TENM2: variants seen among roughly 807,000 people sequenced by gnomAD.
The protein encoded by TENM2 is teneurin-2.
In TENM2, 52 loss-of-function variants were observed where a neutral mutation model predicts 245.2. The ratio of observed to expected loss-of-function variants is 0.21; its 90% CI spans 0.17 to 0.27. The LOEUF is 0.27. TENM2 is among the 10% of genes least tolerant of loss of function. TENM2 has a pLI of 1.00. For missense variants in TENM2, 3,046 were observed against 3,666.8 expected (o/e 0.83, Z 4.37); for synonymous variants, 1,363 against 1,438.9 (o/e 0.95, Z 1.19).
intron 6 of TENM2, among the ~76,000 whole-genome samples, chr5:168,049,600 T>C (rs1050115999): frequency 6.6e-6 from 1 of 152,088 alleles, no homozygotes; most frequent in Non-Finnish European, 1.5e-5. Flanking sequence ...CCCACACCCA[T>C]AGAACAAATC....
chr5:167,776,528 A>C (rs1232112758), intron 2 of TENM2, among the ~76,000 whole-genome samples: 1 of 134,348 alleles, frequency 7.4e-6, no homozygotes, highest in Non-Finnish European at 1.5e-5. Context: ...CTGGGAGGTC[A>C]AGGCTGCAGT....
At chr5:167,337,873 A>G (rs1297687848) in intron 1 of TENM2, among the ~76,000 whole-genome samples, 1 of 152,236 alleles carries the variant, frequency 6.6e-6, no homozygotes, top group Non-Finnish European at 1.5e-5. Context: ...TATGTGTTTT[A>G]TTATAAATCA....
intron 20 of TENM2, among the ~76,000 whole-genome samples, chr5:168,214,586 G>A (rs1763035363): frequency 6.6e-6 from 1 of 152,182 alleles, no homozygotes; most frequent in Non-Finnish European, 1.5e-5. Context: ...GGTCACCCTG[G>A]TATTAATGGC....
intron 3 of TENM2, among the ~76,000 whole-genome samples, chr5:167,906,272 T>C (rs148809032): frequency 6.6e-5 from 10 of 152,328 alleles, no homozygotes; most frequent in African/African-American, 2.4e-4. Flanking sequence ...GTAATTTTCA[T>C]AGAAAGCCAA....
chr5:167,809,885 TC>T (rs1344479588), intron 2 of TENM2, among the ~76,000 whole-genome samples: 2 of 152,126 alleles, frequency 1.3e-5, no homozygotes, highest in African/African-American at 2.4e-5. Context: ...GCTCTTCAAA[TC>T]CAAATGAGAA....
chr5:167,639,659 G>A (rs1171640633), intron 2 of TENM2, among the ~76,000 whole-genome samples: 1 of 151,946 alleles, frequency 6.6e-6, no homozygotes. Context: ...CTTCATCAGG[G>A]AAAACCTTGA....
intron 2 of TENM2, chr5:167,721,297 A>G (rs550134118): frequency 8.5e-5 from 13 of 152,222 alleles, no homozygotes; most frequent in African/African-American, 3.1e-4. Flanking sequence ...TTAATTTTGT[A>G]TCTAATGCAA....
the TENM2 span, among the ~76,000 whole-genome samples, chr5:167,081,399 A>G: frequency 0.031 from 4,664 of 152,238 alleles, 96 homozygotes; most frequent in South Asian, 0.09. Flanking sequence ...TTTTAGGAGA[A>G]TATAGTGAGT....
At chr5:167,937,959 C>G (rs749137961) in intron 3 of TENM2, 1 of 152,286 alleles carries the variant, frequency 6.6e-6, no homozygotes, top group Non-Finnish European at 1.5e-5. Flanking sequence ...CTCCACTGCT[C>G]TCCATCATCG....
the TENM2 span, among the ~76,000 whole-genome samples, chr5:167,043,659 G>A: frequency 3.3e-5 from 5 of 152,204 alleles, no homozygotes; most frequent in African/African-American, 1.2e-4. Flanking sequence ...GATATTGGCA[G>A]TGGGAAGACA....
In TENM2 at chr5:168,112,682, C is replaced by T. The variant is rs115825864; in HGVS notation, c.1814-5610C>T. Among the ~76,000 whole-genome samples the T allele has an allele frequency of 7.8e-3, 1,172 of 149,714 alleles. 8 individuals are homozygous for T. The highest frequency in any genetic ancestry group is 0.027 in the African/African-American group (1,108 of 40,886). On this transcript the variant is annotated intron_variant, in intron 9 of 28. Transcript: ENST00000518659. The stretch of plus-strand genomic sequence containing the variant: ...CAGGGATCTTGCTAGAAGGGAAACT[C>T]ACCTTTCTGACACTGGTTTGCTCAG...
chr5:167,281,983 A>G (rs996557394), upstream of TENM2, among the ~76,000 whole-genome samples: 12 of 137,034 alleles, frequency 8.8e-5, no homozygotes, highest in African/African-American at 3.4e-4. Flanking sequence ...CTGGGCAACA[A>G]GAGCAAAACT....
chr5:167,675,076 C>T (rs1386511437), intron 2 of TENM2, among the ~76,000 whole-genome samples: 2 of 152,088 alleles, frequency 1.3e-5, no homozygotes, highest in East Asian at 1.9e-4. Context: ...AAAAGAAACA[C>T]ATCACCCCAG....
At chr5:167,438,820 C>G (rs576425883) in intron 2 of TENM2, among the ~76,000 whole-genome samples, 1 of 151,860 alleles carries the variant, frequency 6.6e-6, no homozygotes, top group African/African-American at 2.4e-5. Flanking sequence ...TGAGACGGAC[C>G]TTCGCTCTTG....
intron 12 of TENM2, among the ~76,000 whole-genome samples, chr5:168,135,623 C>T (rs568156092): frequency 3.3e-5 from 5 of 151,760 alleles, no homozygotes; most frequent in Non-Finnish European, 2.9e-5. Flanking sequence ...AGCAGCTACA[C>T]GAAATTTAAG....
At chr5:167,083,698 T>A in the TENM2 span, among the ~76,000 whole-genome samples, 1 of 152,106 alleles carries the variant, frequency 6.6e-6, no homozygotes, top group African/African-American at 2.4e-5. Context: ...GGAAGACCAT[T>A]AGGGGCTTCA....
the TENM2 span, among the ~76,000 whole-genome samples, chr5:167,254,880 G>T: frequency 6.6e-6 from 1 of 151,926 alleles, no homozygotes; most frequent in Non-Finnish European, 1.5e-5. Flanking sequence ...GCCTGTGGGG[G>T]GATATTTTTG....
At chr5:167,194,951 T>G in the TENM2 span, among the ~76,000 whole-genome samples, 1 of 152,010 alleles carries the variant, frequency 6.6e-6, no homozygotes, top group Non-Finnish European at 1.5e-5. Flanking sequence ...CATCACACTC[T>G]TAACTACTAC....
At chr5:168,057,572 A>C (rs113696327) in intron 6 of TENM2, among the ~76,000 whole-genome samples, 3 of 152,106 alleles carry the variant, frequency 2.0e-5, no homozygotes, top group African/African-American at 7.2e-5. Context: ...TTCCACAAAC[A>C]TTTCGAAGTC....
Sources: gnomAD v4.1 joint callset for allele counts (sites outside exome capture counted in the v4.1 genomes callset) on GRCh38, gnomAD v4.1.1 for gene constraint, MANE v1.5 for transcripts, NCBI Gene and HGNC (gene_info 2026-07-23, HGNC 2026-07-21) for gene names.